The following DSG4 variants were observed in gnomAD, a reference collection of about 807,000 sequenced individuals.
DSG4 encodes the protein desmoglein-4.
In DSG4, 87 loss-of-function variants were observed where a neutral mutation model predicts 93.1. That is an observed-to-expected ratio of 0.93 (90% CI 0.79 to 1.12). The LOEUF is 1.12. DSG4 is among the 50% of genes most tolerant of loss of function. DSG4 has a pLI of 0.00. For missense variants in DSG4, 1,373 were observed against 1,285.7 expected (o/e 1.07, Z -1.04); for synonymous variants, 432 against 452.9 (o/e 0.95, Z 0.59).
intron 5 of DSG4, among the ~76,000 whole-genome samples, chr18:31,389,665 C>T (rs2072227416): frequency 6.6e-6 from 1 of 152,102 alleles, no homozygotes; most frequent in Non-Finnish European, 1.5e-5. Flanking sequence ...CTTGATTTTA[C>T]ATACAGCACA....
intron 10 of DSG4, 143 bp downstream of exon 10, chr18:31,401,163 C>A: frequency 1.6e-6 from 1 of 627,462 alleles, no homozygotes; most frequent in East Asian, 3.1e-5. Context: ...CACCTTAAAT[C>A]AAGAATTGAA....
chr18:31,385,073 T>C (rs117727491), intron 1 of DSG4, 63 bp from the exon 2 acceptor site: 26,258 of 1,342,280 alleles, frequency 0.02, 323 homozygotes, highest in Middle Eastern at 0.036. Flanking sequence ...TCAATGTTTT[T>C]ATGACATGGC....
At chr18:31,379,629 A>C (rs964433305) in intron 1 of DSG4, among the ~76,000 whole-genome samples, 2 of 152,226 alleles carry the variant, frequency 1.3e-5, no homozygotes, top group Admixed American at 6.5e-5. Context: ...ACTTCCATTA[A>C]ATAGTCTAAT....
Position 31,411,261 on chromosome 18 carries a change from G to T in DSG4, c.2168G>T (p.Gly723Val). ...EIYTNTYAAGGTVEGGVSGVE... is the reference protein window; with the variant it reads ...EIYTNTYAAGVTVEGGVSGVE... Reference sequence around the variant, plus strand: ...TACACCAACACCTATGCAGCCGGGGGCACGGTGGAAGGAGGTGTATCGGGA... The same window carrying T: ...TACACCAACACCTATGCAGCCGGGGTCACGGTGGAAGGAGGTGTATCGGGA... Residue 723 changes from glycine to valine, a missense_variant, in exon 15 of 16, where the codon GGC becomes GTC. Physicochemically the swap from Gly to Val is moderately radical, Grantham distance 109. Transcript: ENST00000308128. The T allele has an allele frequency of 6.2e-7, 1 of 1,613,786 alleles. No individual in the cohort carries two copies. The highest frequency in any genetic ancestry group is 8.5e-7 in the Non-Finnish European group (1 of 1,180,044).
intron 12 of DSG4, 53 bp from the exon 13 acceptor site, chr18:31,409,399 C>T (rs1489486423): frequency 1.9e-6 from 3 of 1,612,980 alleles, no homozygotes; most frequent in African/African-American, 2.7e-5. Context: ...CATCCAGTGA[C>T]TTCCTAAACC....
chr18:31,391,614 T>G (rs920514769), intron 7 of DSG4, among the ~76,000 whole-genome samples: 4 of 151,712 alleles, frequency 2.6e-5, no homozygotes, highest in Admixed American at 2.6e-4. Flanking sequence ...TAAAGAAGCA[T>G]AAAATCCACA....
chr18:31,393,388 C>T (rs1335167725), intron 8 of DSG4, among the ~76,000 whole-genome samples: 1 of 152,092 alleles, frequency 6.6e-6, no homozygotes, highest in Non-Finnish European at 1.5e-5. Context: ...ATTTTGCAGG[C>T]CATACAGGAA....
chr18:31,413,049 G>A lies in DSG4; in HGVS notation c.2577G>A (p.Gln859=), dbSNP rs1367292062. The A allele has an allele frequency of 6.2e-7, 1 of 1,614,114 alleles. No individual in the cohort carries two copies. Among genetic ancestry groups the A allele is most frequent in the Non-Finnish European group, 8.5e-7 (1 of 1,180,022 alleles). Residue 859 remains glutamine, a synonymous_variant, in exon 16 of 16, where the codon CAG becomes CAA. Transcript: ENST00000308128. ...AAATTGAACCATTTCCTTCACACCA[G>A]GCTTGTATACCAATCAGTACTGACC... ...NTEIEPFPSH[Q]ACIPISTDLP... is the part of the protein sequence containing the mutation.
chr18:31,380,528 GC>G (rs1401229835), intron 1 of DSG4, among the ~76,000 whole-genome samples: 1 of 152,142 alleles, frequency 6.6e-6, no homozygotes, highest in Non-Finnish European at 1.5e-5. Flanking sequence ...AGAAATGTTT[GC>G]CCTTCTTTTC....
chr18:31,411,258 G>C lies in DSG4; in HGVS notation c.2165G>C (p.Gly722Ala). ...SEIYTNTYAA[G>A]GTVEGGVSGV... is the part of the protein sequence containing the mutation. ...ATCTACACCAACACCTATGCAGCCG[G>C]GGGCACGGTGGAAGGAGGTGTATCG... The change falls in exon 15 of 16, where the codon GGG (glycine) becomes GCG (alanine). Residue 722 changes from glycine (G) to alanine (A), a missense_variant. By Grantham distance (60) the Gly-to-Ala change is moderately conservative. Coordinates refer to ENST00000308128, the MANE Select transcript of DSG4 (RefSeq NM_177986.5). 1 of 1,613,800 alleles carries C rather than the reference G, an allele frequency of 6.2e-7. No individual in the cohort carries two copies. The highest frequency in any genetic ancestry group is 8.5e-7 in the Non-Finnish European group (1 of 1,180,040).
intron 8 of DSG4, among the ~76,000 whole-genome samples, chr18:31,398,198 G>A (rs182268864): frequency 1.3e-3 from 204 of 152,160 alleles, no homozygotes; most frequent in African/African-American, 4.5e-3. Flanking sequence ...TATCATGTGG[G>A]GTGGTCTATT....
At position 31,413,029 on chromosome 18, in the gene DSG4, G is replaced by A. The variant is rs1208795755; in HGVS notation, c.2557G>A (p.Glu853Lys). 2.5e-6 allele frequency: 4 copies of A among 1,614,092 alleles called. No homozygotes were observed. Among genetic ancestry groups the A allele is most frequent in the Non-Finnish European group, 3.4e-6 (4 of 1,180,018 alleles). The change falls in exon 16 of 16, where the codon GAA becomes AAA. Residue 853 changes from glutamate to lysine, a missense_variant. Glu to Lys is a moderately conservative substitution (Grantham distance 56). Coordinates refer to ENST00000308128, the MANE Select transcript of DSG4 (RefSeq NM_177986.5). ...LAEICLNTEI[E>K]PFPSHQACIP... ...TGAGATCTGCTTAAACACAGAAATTGAACCATTTCCTTCACACCAGGCTTG... is the reference window on the plus strand; with the variant it reads ...TGAGATCTGCTTAAACACAGAAATTAAACCATTTCCTTCACACCAGGCTTG...
chr18:31,409,816 G>A lies in DSG4; in HGVS notation c.2137+8G>A. 6.2e-7 allele frequency: 1 copy of A among 1,614,116 alleles called. No homozygotes were observed. ...ATCGGATGGATTCCTCTGGTCAGTAGACACCAAAATCTGTTTTTCCTTTTA... is the reference window on the plus strand; with the variant it reads ...ATCGGATGGATTCCTCTGGTCAGTAAACACCAAAATCTGTTTTTCCTTTTA... On this transcript the variant is annotated splice_region_variant and intron_variant, in intron 14 of 15. Transcript: ENST00000308128.
chr18:31,411,383 G>C lies in DSG4; in HGVS notation c.2290G>C (p.Gly764Arg). 1 of 1,614,096 alleles carries C rather than the reference G, an allele frequency of 6.2e-7. No homozygotes were observed. Among genetic ancestry groups the C allele is most frequent in the Non-Finnish European group, 8.5e-7 (1 of 1,180,026 alleles). ...CGCAAGGAAGAGGAGCTCTACCATGGGAACCCTGCGGGACTACGCTGACGC... is the reference window on the plus strand; with the variant it reads ...CGCAAGGAAGAGGAGCTCTACCATGCGAACCCTGCGGGACTACGCTGACGC... ...GAARKRSSTMGTLRDYADADI... is the reference protein window; with the variant it reads ...GAARKRSSTMRTLRDYADADI... The change falls in exon 15 of 16, where the codon GGA becomes CGA. Residue 764 changes from glycine (G) to arginine (R), a missense_variant. By Grantham distance (125) the Gly-to-Arg change is moderately radical (BLOSUM62 -2). Transcript: ENST00000308128.
intron 7 of DSG4, 94 bp from the exon 8 acceptor site, chr18:31,392,061 T>C: frequency 8.3e-7 from 1 of 1,208,362 alleles, no homozygotes; most frequent in Non-Finnish European, 1.2e-6. Context: ...ATCGACATAG[T>C]TTGTTGTTAG....
In DSG4 at chr18:31,392,874, C is replaced by T. The variant is rs80098010; in HGVS notation, c.1005+534C>T. 3.5e-3 allele frequency among the ~76,000 whole-genome samples: 533 copies of T among 152,206 alleles called. 19 individuals carry two copies. In the East Asian group the frequency reaches 0.053, roughly 15 times the overall value. ...AAGTTCAGGGCATGGTGAGCAACCC[C>T]GTGGGGCTGTAGTGGGGCATCAAGT... On this transcript the variant is annotated intron_variant, in intron 8 of 15. Transcript: ENST00000308128.
intron 12 of DSG4, 110 bp downstream of exon 12, chr18:31,406,483 C>A: frequency 1.5e-6 from 2 of 1,330,378 alleles, no homozygotes; most frequent in South Asian, 1.2e-5. Flanking sequence ...GTATCTCTAG[C>A]AATTTTTGAG....
chr18:31,403,083 C>T (rs1040720351), intron 10 of DSG4, among the ~76,000 whole-genome samples: 2 of 151,814 alleles, frequency 1.3e-5, no homozygotes, highest in African/African-American at 4.8e-5. Flanking sequence ...TAAACCTTCT[C>T]GGAGGAAGAA....
intron 12 of DSG4, among the ~76,000 whole-genome samples, chr18:31,406,680 G>A (rs181436960): frequency 1.3e-5 from 2 of 152,264 alleles, no homozygotes; most frequent in Admixed American, 6.5e-5. Flanking sequence ...GAGTAGAGAG[G>A]CAGAAGCAAT....
Sources: allele counts gnomAD v4.1 joint callset (sites outside exome capture counted in the v4.1 genomes callset), GRCh38; gene constraint gnomAD v4.1.1; transcripts MANE v1.5; gene names NCBI Gene and HGNC (gene_info 2026-07-23, HGNC 2026-07-21).